The following CNTN4 variants were observed in gnomAD, a reference collection of about 807,000 sequenced individuals.
CNTN4 encodes the protein contactin 4.
In CNTN4, 77 loss-of-function variants were observed where a neutral mutation model predicts 122.5. The observed-to-expected ratio is 0.63, with a 90% CI of 0.52 to 0.76. The LOEUF is 0.76. Among genes scored for constraint, CNTN4 ranks in the 30% least tolerant of loss-of-function variants. The pLI is 0.00. For synonymous variants in CNTN4, 512 were observed against 447.0 expected (o/e 1.15, Z -1.83); for missense variants, 1,256 against 1,259.1 (o/e 1.00, Z 0.04).
At chr3:2,182,466 TAA>T (rs36032949) in intron 2 of CNTN4, among the ~76,000 whole-genome samples, 42,656 of 151,952 alleles carry the variant, frequency 0.28, 7,588 homozygotes, top group Non-Finnish European at 0.41. Context: ...AATTCCAAGT[TAA>T]GTCTTTTCAT....
intron 4 of CNTN4, among the ~76,000 whole-genome samples, chr3:2,592,597 T>G (rs1217769201): frequency 6.6e-6 from 1 of 152,192 alleles, no homozygotes; most frequent in Non-Finnish European, 1.5e-5. Context: ...AACTCTCTCT[T>G]TTTGCCTGCC....
At chr3:2,936,628 A>C (rs551967875) in intron 13 of CNTN4, among the ~76,000 whole-genome samples, 1 of 152,096 alleles carries the variant, frequency 6.6e-6, no homozygotes, top group South Asian at 2.1e-4. Flanking sequence ...CTTTTCTTCA[A>C]ATGGCTTCTT....
intron 2 of CNTN4, chr3:2,144,106 GGTGTAGGAGGTAAGCATAC>G (rs2035131488): frequency 6.6e-6 from 1 of 152,160 alleles, no homozygotes; most frequent in South Asian, 2.1e-4. Flanking sequence ...AGAAATAGAG[GGTGTAGGAGGTAAGCATAC>G]CTACCTAGTA....
intron 4 of CNTN4, among the ~76,000 whole-genome samples, chr3:2,672,806 T>G (rs1204973615): frequency 1.3e-5 from 2 of 152,238 alleles, no homozygotes; most frequent in African/African-American, 4.8e-5. Context: ...TTTTTAACAT[T>G]GAAATTCATT....
intron 3 of CNTN4, among the ~76,000 whole-genome samples, chr3:2,439,038 C>T (rs561155339): frequency 1.9e-4 from 29 of 152,272 alleles, no homozygotes; most frequent in Admixed American, 3.9e-4. Flanking sequence ...AACTACCATA[C>T]CTAGAATCAT....
At chr3:2,728,706 C>G (rs930944465) in intron 4 of CNTN4, among the ~76,000 whole-genome samples, 3 of 152,240 alleles carry the variant, frequency 2.0e-5, no homozygotes, top group African/African-American at 7.2e-5. Context: ...TACCTACCCT[C>G]CAGATGTGAC....
intron 17 of CNTN4, among the ~76,000 whole-genome samples, chr3:3,036,690 C>G (rs542883476): frequency 6.6e-6 from 1 of 151,214 alleles, no homozygotes; most frequent in East Asian, 1.9e-4. Context: ...TTGCATGAGT[C>G]TGGGAGGTGG....
chr3:3,001,596 C>T (rs1001842047), intron 14 of CNTN4, among the ~76,000 whole-genome samples: 1 of 152,044 alleles, frequency 6.6e-6, no homozygotes, highest in African/African-American at 2.4e-5. Context: ...TAAACTGACC[C>T]CAGACCTAAT....
At chr3:2,357,138 C>A (rs1279804852) in intron 3 of CNTN4, among the ~76,000 whole-genome samples, 2 of 152,158 alleles carry the variant, frequency 1.3e-5, no homozygotes, top group Non-Finnish European at 2.9e-5. Context: ...TGAGATTTTG[C>A]ATTTCTAACC....
intron 4 of CNTN4, chr3:2,629,539 C>G: frequency 2.2e-6 from 1 of 453,424 alleles, no homozygotes; most frequent in Non-Finnish European, 4.4e-6. Context: ...CACAGACTGA[C>G]TTCTGGTCCT....
intron 4 of CNTN4, among the ~76,000 whole-genome samples, chr3:2,582,903 CAAA>C (rs10554418): frequency 1.5e-4 from 21 of 140,732 alleles, no homozygotes; most frequent in Non-Finnish European, 1.4e-4. Flanking sequence ...AGTTCTGATA[CAAA>C]AAAAAAAAAA....
chr3:2,475,185 G>C (rs982110019), intron 3 of CNTN4, among the ~76,000 whole-genome samples: 2 of 152,152 alleles, frequency 1.3e-5, no homozygotes, highest in Non-Finnish European at 2.9e-5. Context: ...GGATTTTAAA[G>C]TTGTATCTGG....
intron 6 of CNTN4, among the ~76,000 whole-genome samples, chr3:2,757,716 A>G (rs1253351895): frequency 6.6e-6 from 1 of 152,178 alleles, no homozygotes; most frequent in African/African-American, 2.4e-5. Context: ...TGTCTATAAT[A>G]TATATTCACT....
chr3:2,173,773 A>T (rs923119606), intron 2 of CNTN4, among the ~76,000 whole-genome samples: 1 of 152,236 alleles, frequency 6.6e-6, no homozygotes, highest in Non-Finnish European at 1.5e-5. Context: ...GGTTATTATA[A>T]GAATTAAATC....
rs376430570 is a variant in CNTN4, at chr3:2,101,091, A to G, written c.-145+452A>G. Among the ~76,000 whole-genome samples the G allele has an allele frequency of 2.0e-3, 301 of 152,330 alleles. 2 individuals are homozygous for G. The highest frequency in any genetic ancestry group is 6.8e-3 in the African/African-American group (283 of 41,574). The stretch of plus-strand genomic sequence containing the variant: ...GGGAGTCAATGCAGTACCTTTTTCC[A>G]TGGTCATTTCATATTGGCAGGTAAT... On this transcript the variant is annotated intron_variant, in intron 2 of 24. Coordinates refer to ENST00000418658, the MANE Select transcript of CNTN4 (RefSeq NM_175607.3).
intron 4 of CNTN4, among the ~76,000 whole-genome samples, chr3:2,580,276 A>G (rs1418721361): frequency 6.6e-6 from 1 of 152,148 alleles, no homozygotes; most frequent in Non-Finnish European, 1.5e-5. Context: ...GCAGCAAGGC[A>G]GCTAGGACAA....
chr3:2,532,222 T>C lies in CNTN4; in HGVS notation c.-88-39194T>C, dbSNP rs149009037. ...ATTTCTCTATTTTGTGAGATAGTTT[T>C]TCCTAGGTCTTATGGCAGGATTTGG... On this transcript the variant is annotated intron_variant, in intron 3 of 24. Coordinates refer to ENST00000418658, the MANE Select transcript of CNTN4 (RefSeq NM_175607.3). 2.6e-5 allele frequency among the ~76,000 whole-genome samples: 4 copies of C among 152,278 alleles called. No homozygotes were observed. In the East Asian group the frequency reaches 7.7e-4, roughly 29 times the overall value.
chr3:2,400,415 A>ATG (rs1553640883), intron 3 of CNTN4, among the ~76,000 whole-genome samples: 1 of 64,778 alleles, frequency 1.5e-5, no homozygotes, highest in Non-Finnish European at 3.5e-5. Flanking sequence ...ATATATATAT[A>ATG]TATATATATA....
At chr3:2,934,871 T>C (rs1190411856) in intron 13 of CNTN4, among the ~76,000 whole-genome samples, 1 of 152,250 alleles carries the variant, frequency 6.6e-6, no homozygotes, top group Non-Finnish European at 1.5e-5. Context: ...GGTAGTACTA[T>C]CATTTTAATT....
Sources: allele counts gnomAD v4.1 joint callset (sites outside exome capture counted in the v4.1 genomes callset), GRCh38; gene constraint gnomAD v4.1.1; transcripts MANE v1.5; gene names NCBI Gene and HGNC (gene_info 2026-07-23, HGNC 2026-07-21).